Variants in RNLS observed in about 807,000 individuals in gnomAD.
RNLS encodes renalase.
RNLS carries 39 observed loss-of-function variants against 39.8 expected under a neutral mutation model. That is an observed-to-expected ratio of 0.98 (90% confidence interval 0.76 to 1.28). The LOEUF (loss-of-function observed/expected upper bound fraction) is 1.28. RNLS is among the 50% of genes most tolerant of loss of function. The pLI is 0.00. For missense variants in RNLS, 410 were observed against 413.3 expected (o/e 0.99, Z 0.07); for synonymous variants, 147 against 150.7 (o/e 0.98, Z 0.18).
At chr10:88,481,397 C>T (rs567309649) in intron 4 of RNLS, among the ~76,000 whole-genome samples, 2 of 152,156 alleles carry the variant, frequency 1.3e-5, no homozygotes, top group East Asian at 3.9e-4. Flanking sequence ...CCCTTCTTTA[C>T]TGCCTTTTTT....
intron 4 of RNLS, among the ~76,000 whole-genome samples, chr10:88,571,527 T>G (rs541061487): frequency 7.2e-5 from 11 of 152,282 alleles, no homozygotes; most frequent in Admixed American, 5.9e-4. Context: ...TCTCTAAGAC[T>G]CCCTTCAATT....
At chr10:88,432,418 T>C (rs1428855379) in intron 4 of RNLS, among the ~76,000 whole-genome samples, 1 of 151,954 alleles carries the variant, frequency 6.6e-6, no homozygotes, top group Non-Finnish European at 1.5e-5. Context: ...AATCTAACAA[T>C]CCTTGTTTTT....
At chr10:88,487,269 G>A (rs761114019) in intron 4 of RNLS, among the ~76,000 whole-genome samples, 1 of 151,944 alleles carries the variant, frequency 6.6e-6, no homozygotes, top group Non-Finnish European at 1.5e-5. Context: ...TTAGTGCCTG[G>A]ATGCTGAAAT....
At chr10:88,223,889 C>T in the RNLS span, among the ~76,000 whole-genome samples, 139 of 152,260 alleles carry the variant, frequency 9.1e-4, no homozygotes, top group African/African-American at 3.2e-3. Context: ...AGGAGAGCCA[C>T]AGACTGGTAA....
rs191796822 is a variant in RNLS at position 88,340,930 on chromosome 10, G to A, written c.700+21622C>T. On this transcript the variant is annotated intron_variant, in intron 5 of 6. Transcript: ENST00000331772. ...CAAAATTAGCTGGGCATGGTGGCAC[G>A]TGCCTGTAATCCCAGCTACTCGGGA... is the stretch of plus-strand genomic sequence containing the variant. Among the ~76,000 whole-genome samples the A allele has an allele frequency of 1.2e-4, 18 of 151,402 alleles. No individual in the cohort carries two copies. In the South Asian group the frequency reaches 1.9e-3, roughly 16 times the overall value.
At chr10:88,324,893 T>C (rs773993751) in intron 5 of RNLS, among the ~76,000 whole-genome samples, 2 of 152,178 alleles carry the variant, frequency 1.3e-5, no homozygotes, top group Non-Finnish European at 2.9e-5. Context: ...AATGGAGTCA[T>C]ACAGTATTTG....
At chr10:88,425,855 G>C (rs569693169) in intron 4 of RNLS, among the ~76,000 whole-genome samples, 61 of 152,138 alleles carry the variant, frequency 4.0e-4, no homozygotes, top group African/African-American at 1.4e-3. Context: ...AAAAAGAATG[G>C]TAAGAGTAGG....
At chr10:88,239,500 C>T in the RNLS span, among the ~76,000 whole-genome samples, 2 of 152,220 alleles carry the variant, frequency 1.3e-5, no homozygotes, top group African/African-American at 2.4e-5. Context: ...ACTTTTCCAG[C>T]ATTCTGCACC....
intron 4 of RNLS, among the ~76,000 whole-genome samples, chr10:88,547,308 C>T (rs1183368318): frequency 6.6e-6 from 1 of 152,216 alleles, no homozygotes; most frequent in Non-Finnish European, 1.5e-5. Flanking sequence ...GTGCATCCAT[C>T]TGCCTGTCCT....
intron 5 of RNLS, among the ~76,000 whole-genome samples, chr10:88,361,617 A>C (rs1849648115): frequency 6.6e-6 from 1 of 152,250 alleles, no homozygotes; most frequent in Admixed American, 6.5e-5. Flanking sequence ...AAGTTATAAA[A>C]GAAACATTTT....
Position 88,513,707 on chromosome 10 carries a change from T to C in RNLS, c.526+59196A>G, listed in dbSNP as rs79824717. ...GCATAAACACCTTTTCACACATGTATGCATATTTCCTAGAAATTAAATTGC... is the reference window on the plus strand; with the variant it reads ...GCATAAACACCTTTTCACACATGTACGCATATTTCCTAGAAATTAAATTGC... On this transcript the variant is annotated intron_variant, in intron 4 of 6. Coordinates refer to ENST00000331772, the MANE Select transcript of RNLS (RefSeq NM_001031709.3). Among the ~76,000 whole-genome samples the C allele has an allele frequency of 6.0e-3, 907 of 152,256 alleles. 9 individuals carry two copies. Among genetic ancestry groups the C allele is most frequent in the African/African-American group, 0.021 (883 of 41,562 alleles).
At chr10:88,399,223 C>T (rs1852756641) in intron 4 of RNLS, among the ~76,000 whole-genome samples, 1 of 151,910 alleles carries the variant, frequency 6.6e-6, no homozygotes, top group African/African-American at 2.4e-5. Context: ...AACAATTCCT[C>T]AAAAAATTAT....
intron 4 of RNLS, among the ~76,000 whole-genome samples, chr10:88,394,694 G>T (rs1294264100): frequency 6.6e-6 from 1 of 152,032 alleles, no homozygotes; most frequent in Non-Finnish European, 1.5e-5. Flanking sequence ...CCATTACTGG[G>T]TATATACCCA....
At chr10:88,381,825 CCT>C (rs1364599809) in intron 4 of RNLS, among the ~76,000 whole-genome samples, 2 of 151,714 alleles carry the variant, frequency 1.3e-5, no homozygotes, top group East Asian at 3.9e-4. Flanking sequence ...AAATCTGACC[CCT>C]GTCTGGTTTT....
At chr10:88,188,992 C>G in the RNLS span, among the ~76,000 whole-genome samples, 1 of 152,100 alleles carries the variant, frequency 6.6e-6, no homozygotes. Flanking sequence ...GATGTGAGAG[C>G]CAGTTCTTAA....
intron 4 of RNLS, among the ~76,000 whole-genome samples, chr10:88,482,610 T>C (rs972988904): frequency 6.6e-6 from 1 of 152,202 alleles, no homozygotes; most frequent in Non-Finnish European, 1.5e-5. Flanking sequence ...AACATGCTTA[T>C]AATAGCTGCT....
intron 5 of RNLS, among the ~76,000 whole-genome samples, chr10:88,357,454 T>G (rs1227142256): frequency 6.6e-6 from 1 of 152,234 alleles, no homozygotes; most frequent in African/African-American, 2.4e-5. Flanking sequence ...CTTTTTCTAC[T>G]GAGTCTATAC....
chr10:88,336,905 C>T (rs765693271), intron 5 of RNLS, among the ~76,000 whole-genome samples: 13 of 151,968 alleles, frequency 8.6e-5, no homozygotes, highest in Non-Finnish European at 1.6e-4. Context: ...GTTAAATCAT[C>T]ACACTAGATA....
intron 5 of RNLS, among the ~76,000 whole-genome samples, chr10:88,362,202 CCAAA>C (rs1372001592): frequency 1.3e-5 from 2 of 151,816 alleles, no homozygotes; most frequent in South Asian, 2.1e-4. Context: ...AATACCCAAA[CCAAA>C]CAAACAAAAA....
Sources: gnomAD v4.1 joint callset for allele counts (sites outside exome capture counted in the v4.1 genomes callset) on GRCh38, gnomAD v4.1.1 for gene constraint, MANE v1.5 for transcripts, NCBI Gene and HGNC (gene_info 2026-07-23, HGNC 2026-07-21) for gene names.